SUPT6H: variants seen among roughly 807,000 people sequenced by gnomAD.
SUPT6H encodes transcription elongation factor SPT6.
A neutral mutation model predicts 222.3 loss-of-function variants in SUPT6H; 11 were observed. The observed-to-expected ratio is 0.05, with a 90% CI of 0.03 to 0.08. The LOEUF (loss-of-function observed/expected upper bound fraction) is 0.08, where lower values mean the gene tolerates loss of function less well. Among genes scored for constraint, SUPT6H ranks in the 10% least tolerant of loss-of-function variants. SUPT6H has a pLI of 1.00. For synonymous variants in SUPT6H, 762 were observed against 801.2 expected (o/e 0.95, Z 0.83); for missense variants, 1,422 against 2,216.0 (o/e 0.64, Z 7.19).
At chr17:28,670,031 T>C (rs1414124409) in intron 1 of SUPT6H, 1 of 152,224 alleles carries the variant, frequency 6.6e-6, no homozygotes, top group African/African-American at 2.4e-5. Context: ...CTCATATGTT[T>C]TTGCATTCAG....
At chr17:28,668,115 A>T (rs1327809312) in intron 1 of SUPT6H, among the ~76,000 whole-genome samples, 1 of 152,080 alleles carries the variant, frequency 6.6e-6, no homozygotes, top group South Asian at 2.1e-4. Context: ...AGCCTCTCCC[A>T]TTGAGCCACA....
Position 28,683,068 on chromosome 17 carries a change from A to G in SUPT6H, c.1854A>G (p.Ile618Met), listed in dbSNP as rs1450284311. Residue 618 changes from isoleucine (I) to methionine (M), a missense_variant, in exon 15 of 37, where the codon ATA becomes ATG. By Grantham distance (10) the Ile-to-Met change is conservative. Transcript: ENST00000314616. ...QTFQERAKLN[I>M]TPTKKGRKDV... ...TCCAAGAGAGAGCCAAGTTAAATAT[A>G]ACCCCCACCAAGAAAGGTAGAAAGG... The G allele has an allele frequency of 1.2e-6, 2 of 1,606,724 alleles. No individual in the cohort carries two copies. Among genetic ancestry groups the G allele is most frequent in the African/African-American group, 1.3e-5 (1 of 74,224 alleles).
rs1427264976 is a variant in SUPT6H, at chr17:28,686,345, G to A, written c.2494G>A (p.Asp832Asn). The change falls in exon 20 of 37, where the codon GAC (aspartate) becomes AAC (asparagine). Residue 832 changes from aspartate (D) to asparagine (N), a missense_variant. Transcript: ENST00000314616. ...REEEREKKAQ[D>N]IETLKKFLLN... is the part of the protein sequence containing the mutation. The stretch of plus-strand genomic sequence containing the variant: ...CAATTTTCTTTCAATCCAGGCTCAA[G>A]ACATTGAAACGCTAAAGAAATTTCT... 6.2e-7 allele frequency: 1 copy of A among 1,614,134 alleles called. No individual in the cohort carries two copies. The highest frequency in any genetic ancestry group is 2.2e-5 in the East Asian group (1 of 44,890).
chr17:28,675,137 G>A lies in SUPT6H; in HGVS notation c.513G>A (p.Glu171=), dbSNP rs766056036. 6.2e-7 allele frequency: 1 copy of A among 1,611,438 alleles called. No homozygotes were observed. The highest frequency in any genetic ancestry group is 8.5e-7 in the Non-Finnish European group (1 of 1,179,412). ...AMEAPMAPPE[E]EEEDDEESDI... Reference sequence around the variant, plus strand: ...AGGCCCCCATGGCTCCTCCAGAGGAGGAGGAAGAAGATGATGAGGAGTCAG... The same window carrying A: ...AGGCCCCCATGGCTCCTCCAGAGGAAGAGGAAGAAGATGATGAGGAGTCAG... The change falls in exon 5 of 37, where the codon GAG becomes GAA. Residue 171 remains glutamate (E), a synonymous_variant. Coordinates refer to ENST00000314616, the MANE Select transcript of SUPT6H (RefSeq NM_003170.5).
At chr17:28,701,248 T>C in intron 36 of SUPT6H, 120 bp downstream of exon 36, 6 of 1,430,008 alleles carry the variant, frequency 4.2e-6, no homozygotes, top group Non-Finnish European at 3.8e-6. Flanking sequence ...CCACATGATA[T>C]GCCAGGAACA....
In SUPT6H at chr17:28,700,182, C is replaced by A; in HGVS notation, c.4571C>A (p.Pro1524His). 1 of 1,614,234 alleles carries A rather than the reference C, an allele frequency of 6.2e-7. No individual in the cohort carries two copies. The highest frequency in any genetic ancestry group is 8.5e-7 in the Non-Finnish European group (1 of 1,180,044). Residue 1524 changes from proline (P) to histidine (H), a missense_variant, in exon 34 of 37, where the codon CCT becomes CAT. By Grantham distance (77) the Pro-to-His change is moderately conservative. Transcript: ENST00000314616. ...TAATCACTTCCTGCAGGCATCACCC[C>A]TAGCAGCAGCAGCAGGACCCGGACA... is the stretch of plus-strand genomic sequence containing the variant. Reference protein sequence around the residue: ...HYQDPVPGITPSSSSRTRTPA... With the variant: ...HYQDPVPGITHSSSSRTRTPA...
intron 1 of SUPT6H, among the ~76,000 whole-genome samples, chr17:28,668,432 A>C (rs2030220864): frequency 6.6e-6 from 1 of 152,164 alleles, no homozygotes; most frequent in Admixed American, 6.5e-5. Flanking sequence ...GCAAGTCAGA[A>C]TTGCTTCTGG....
In SUPT6H at chr17:28,666,451, T is replaced by C. The variant is rs1450234600; in HGVS notation, c.-32+4109T>C. On this transcript the variant is annotated intron_variant, in intron 1 of 36. Transcript: ENST00000314616. Reference sequence around the variant, plus strand: ...AGGTTCAGTAACTGTTAATCTCTCTTTGTGTTGCAGGGGTTCTGAATCTGG... The same window carrying C: ...AGGTTCAGTAACTGTTAATCTCTCTCTGTGTTGCAGGGGTTCTGAATCTGG... 2.0e-5 allele frequency among the ~76,000 whole-genome samples: 3 copies of C among 152,322 alleles called. No individual in the cohort carries two copies. In the East Asian group the frequency reaches 5.8e-4, roughly 29 times the overall value.
chr17:28,677,666 TGA>T, intron 7 of SUPT6H, 47 bp from the exon 8 acceptor site: 1 of 1,376,324 alleles, frequency 7.3e-7, no homozygotes, highest in Non-Finnish European at 1.0e-6. Context: ...TTTTCTTAAG[TGA>T]GACACAAGAT....
At chr17:28,681,181 T>G (rs762143719) in intron 11 of SUPT6H, 75 bp from the exon 12 acceptor site, 57 of 1,556,140 alleles carry the variant, frequency 3.7e-5, no homozygotes, top group Non-Finnish European at 4.6e-5. Context: ...TTTTGGGAAT[T>G]GGACCTCTTG....
chr17:28,683,940 A>C (rs759232052), intron 17 of SUPT6H, 124 bp downstream of exon 17: 4 of 833,232 alleles, frequency 4.8e-6, no homozygotes, highest in African/African-American at 1.8e-5. Flanking sequence ...GGTTGATGCC[A>C]TTCTCCTGCC....
At chr17:28,693,609 AAATT>A (rs1320333417) in intron 27 of SUPT6H, 83 bp from the exon 28 acceptor site, 4 of 1,521,008 alleles carry the variant, frequency 2.6e-6, no homozygotes, top group Non-Finnish European at 3.6e-6. Context: ...ATGGTAAAAG[AAATT>A]ACAACACCTC....
rs1350797337 is a variant in SUPT6H at position 28,686,347 on chromosome 17, C to T, written c.2496C>T (p.Asp832=). The T allele has an allele frequency of 2.5e-6, 4 of 1,614,012 alleles. No homozygotes were observed. The highest frequency in any genetic ancestry group is 3.4e-6 in the Non-Finnish European group (4 of 1,179,976). ...REEEREKKAQ[D]IETLKKFLLN... is the part of the protein sequence containing the mutation. ...ATTTTCTTTCAATCCAGGCTCAAGA[C>T]ATTGAAACGCTAAAGAAATTTCTCC... Residue 832 remains aspartate (D), a synonymous_variant, in exon 20 of 37, where the codon GAC becomes GAT. Transcript: ENST00000314616.
chr17:28,687,602 G>A, intron 23 of SUPT6H, 131 bp downstream of exon 23: 1 of 1,063,538 alleles, frequency 9.4e-7, no homozygotes, highest in East Asian at 2.6e-5. Flanking sequence ...CTCAGCTAGT[G>A]AGAGTCAAAA....
intron 1 of SUPT6H, chr17:28,670,306 G>A (rs1658852218): frequency 6.6e-6 from 1 of 152,234 alleles, no homozygotes; most frequent in Non-Finnish European, 1.5e-5. Context: ...GGGATTAATA[G>A]AATACTTGTT....
chr17:28,685,246 C>T (rs185458341), intron 19 of SUPT6H, among the ~76,000 whole-genome samples: 26 of 152,260 alleles, frequency 1.7e-4, no homozygotes, highest in Admixed American at 1.6e-3. Flanking sequence ...CAGGCTGTTC[C>T]AGCAGCTGAA....
At chr17:28,685,004 T>G in intron 19 of SUPT6H, 43 bp downstream of exon 19, 1 of 1,552,984 alleles carries the variant, frequency 6.4e-7, no homozygotes, top group Non-Finnish European at 8.8e-7. Flanking sequence ...ATCTGGAGTA[T>G]GTCTTATGAT....
intron 33 of SUPT6H, 32 bp downstream of exon 33, chr17:28,699,925 T>G: frequency 6.3e-7 from 1 of 1,594,826 alleles, no homozygotes; most frequent in Non-Finnish European, 8.6e-7. Flanking sequence ...TTCAGGGACG[T>G]GGCTGGAGGA....
rs1223293838 is a variant in SUPT6H at position 28,700,623 on chromosome 17, T to C, written c.4806+111T>C. ...ACAGATGGGGCTGCCACGGCCTTGG[T>C]AACTGTCTCCAACAGATATTTCTTG... On this transcript the variant is annotated intron_variant, in intron 35 of 36. Transcript: ENST00000314616. 12 of 1,383,476 alleles carry C rather than the reference T, an allele frequency of 8.7e-6. No individual in the cohort carries two copies. In the South Asian group the frequency reaches 1.6e-4, roughly 18 times the overall value. 85.7% of individuals were successfully genotyped at this position (1,383,476 alleles called of 1,614,324 possible).
Sources: gnomAD v4.1 joint callset for allele counts (sites outside exome capture counted in the v4.1 genomes callset) on GRCh38, gnomAD v4.1.1 for gene constraint, MANE v1.5 for transcripts, NCBI Gene and HGNC (gene_info 2026-07-23, HGNC 2026-07-21) for gene names.